Variants in FAR2 observed in about 807,000 individuals in gnomAD.
FAR2 encodes the protein fatty acyl-CoA reductase 2.
A neutral mutation model predicts 56.0 loss-of-function variants in FAR2; 19 were observed. The ratio of observed to expected loss-of-function variants is 0.34; its 90% CI spans 0.24 to 0.50. The LOEUF is 0.50. Among genes scored for constraint, FAR2 ranks in the 20% least tolerant of loss-of-function variants. The probability of loss-of-function intolerance (pLI) is 0.98; values close to 1 mark genes in which losing one functional copy is unlikely to be tolerated. For synonymous variants in FAR2, 219 were observed against 218.8 expected (o/e 1.00, Z -0.01); for missense variants, 508 against 642.2 (o/e 0.79, Z 2.26).
chr12:29,284,905 G>A (rs1039106822), intron 2 of FAR2, among the ~76,000 whole-genome samples: 4 of 152,112 alleles, frequency 2.6e-5, no homozygotes, highest in Admixed American at 6.5e-5. Context: ...GCAGTGGCGC[G>A]ATCTCGGCTC....
At chr12:29,230,598 A>G (rs1427878197) in intron 1 of FAR2, among the ~76,000 whole-genome samples, 1 of 152,088 alleles carries the variant, frequency 6.6e-6, no homozygotes, top group Non-Finnish European at 1.5e-5. Flanking sequence ...GGGCAGCAAG[A>G]AACACTTAGA....
intron 1 of FAR2, among the ~76,000 whole-genome samples, chr12:29,229,877 G>C (rs1184485524): frequency 1.3e-5 from 2 of 152,148 alleles, no homozygotes; most frequent in Non-Finnish European, 2.9e-5. Flanking sequence ...ACTGACATCT[G>C]AAGGATGACT....
rs111826543 is a variant in FAR2, at chr12:29,201,844, G to A, written c.-39+52437G>A. On this transcript the variant is annotated intron_variant, in intron 1 of 11. Transcript: ENST00000536681. ...CTAGCCACCTTTTAAGTGCTAAGTC[G>A]TTTGGCTAGTGGTTACTGTATTGGA... 8.8e-3 allele frequency among the ~76,000 whole-genome samples: 1,345 copies of A among 152,254 alleles called. 27 individuals are homozygous for A. The highest frequency in any genetic ancestry group is 0.03 in the African/African-American group (1,260 of 41,536).
chr12:29,193,697 T>C (rs984350906), intron 1 of FAR2, among the ~76,000 whole-genome samples: 5 of 152,240 alleles, frequency 3.3e-5, no homozygotes. Flanking sequence ...ATGAATCAAG[T>C]TGCTATCAAC....
At chr12:29,259,104 C>A (rs761932851) in intron 1 of FAR2, among the ~76,000 whole-genome samples, 22 of 152,106 alleles carry the variant, frequency 1.4e-4, no homozygotes, top group Non-Finnish European at 3.2e-4. Context: ...AAAGAATGTG[C>A]TGGTATGAAA....
chr12:29,309,178 T>C lies in FAR2; in HGVS notation c.724-8T>C, dbSNP rs1489810962. Reference sequence around the variant, plus strand: ...ATGTGTAACCAATAGAAATCTTCTTTCTTTTAGGGTTGGGTTGATAATATA... The same window carrying C: ...ATGTGTAACCAATAGAAATCTTCTTCCTTTTAGGGTTGGGTTGATAATATA... On this transcript the variant is annotated splice_polypyrimidine_tract_variant and splice_region_variant and intron_variant, in intron 5 of 11. Coordinates refer to ENST00000536681, the MANE Select transcript of FAR2 (RefSeq NM_001271783.2). 3.8e-6 allele frequency: 6 copies of C among 1,592,730 alleles called. No homozygotes were observed. In the African/African-American group the frequency reaches 4.0e-5, roughly 11 times the overall value.
intron 1 of FAR2, among the ~76,000 whole-genome samples, chr12:29,214,675 G>A (rs1275900591): frequency 6.6e-6 from 1 of 151,930 alleles, no homozygotes; most frequent in Non-Finnish European, 1.5e-5. Context: ...AAAAAAATTA[G>A]CTAGGCGTGG....
intron 1 of FAR2, among the ~76,000 whole-genome samples, chr12:29,227,587 T>C (rs1947789289): frequency 1.3e-5 from 2 of 152,204 alleles, no homozygotes; most frequent in Non-Finnish European, 2.9e-5. Context: ...TTATCCTTTT[T>C]GTCATTTTGC....
intron 1 of FAR2, among the ~76,000 whole-genome samples, chr12:29,216,189 A>G (rs1305899918): frequency 6.6e-6 from 1 of 152,198 alleles, no homozygotes; most frequent in Non-Finnish European, 1.5e-5. Context: ...CTCATCTGAC[A>G]CTATCTACCT....
chr12:29,180,683 G>A (rs1393548966), intron 1 of FAR2, among the ~76,000 whole-genome samples: 2 of 152,004 alleles, frequency 1.3e-5, no homozygotes, highest in African/African-American at 4.8e-5. Flanking sequence ...TTTTCAAATT[G>A]TATGTATTTT....
intron 2 of FAR2, among the ~76,000 whole-genome samples, chr12:29,275,522 C>G (rs1948695583): frequency 6.6e-6 from 1 of 152,058 alleles, no homozygotes; most frequent in Non-Finnish European, 1.5e-5. Context: ...GTTCTAGATC[C>G]CTGAGGAATC....
intron 1 of FAR2, among the ~76,000 whole-genome samples, chr12:29,188,868 T>C (rs977903803): frequency 6.6e-6 from 1 of 152,130 alleles, no homozygotes; most frequent in African/African-American, 2.4e-5. Flanking sequence ...TCTGATGTTT[T>C]CCCCTCATAA....
intron 1 of FAR2, among the ~76,000 whole-genome samples, chr12:29,203,069 C>T (rs1210376695): frequency 6.6e-6 from 1 of 151,964 alleles, no homozygotes; most frequent in East Asian, 1.9e-4. Context: ...TACATAAGAC[C>T]CTGAGAATTT....
At chr12:29,170,871 C>T (rs528017305) in intron 1 of FAR2, among the ~76,000 whole-genome samples, 17 of 152,220 alleles carry the variant, frequency 1.1e-4, no homozygotes, top group African/African-American at 2.7e-4. Flanking sequence ...TCGATGGCTT[C>T]GACAGTGTAA....
intron 1 of FAR2, among the ~76,000 whole-genome samples, chr12:29,268,559 G>C (rs147732668): frequency 6.6e-6 from 1 of 152,240 alleles, no homozygotes; most frequent in African/African-American, 2.4e-5. Context: ...CAAAACCTGT[G>C]GTCGGTGGCC....
chr12:29,227,419 A>G (rs1026712902), intron 1 of FAR2, among the ~76,000 whole-genome samples: 5 of 152,204 alleles, frequency 3.3e-5, no homozygotes, highest in Non-Finnish European at 7.3e-5. Flanking sequence ...TTTGACTCCT[A>G]ACAACAGGCG....
In FAR2 at chr12:29,183,945, A is replaced by G. The variant is rs578004222; in HGVS notation, c.-39+34538A>G. ...TTATTTTATTAGGAAACCTTTAAAA[A>G]TGCTAAAATTTTCTTAACTGCAAAT... On this transcript the variant is annotated intron_variant, in intron 1 of 11. Transcript: ENST00000536681. Among the ~76,000 whole-genome samples, 186 of 152,342 alleles carry G rather than the reference A, an allele frequency of 1.2e-3. 1 individual carries two copies. The highest frequency in any genetic ancestry group is 4.4e-3 in the African/African-American group (182 of 41,592).
chr12:29,235,683 A>G (rs534996884), intron 1 of FAR2, among the ~76,000 whole-genome samples: 41 of 152,266 alleles, frequency 2.7e-4, no homozygotes, highest in African/African-American at 7.7e-4. Flanking sequence ...CCATGTAGTC[A>G]GTTCCACCAG....
chr12:29,246,395 G>A (rs1052852497), intron 1 of FAR2, among the ~76,000 whole-genome samples: 10 of 152,110 alleles, frequency 6.6e-5, no homozygotes, highest in African/African-American at 2.4e-4. Context: ...CTTTCTGACT[G>A]GAGGCAGGCC....
Sources: allele counts gnomAD v4.1 joint callset (sites outside exome capture counted in the v4.1 genomes callset), GRCh38; gene constraint gnomAD v4.1.1; transcripts MANE v1.5; gene names NCBI Gene and HGNC (gene_info 2026-07-23, HGNC 2026-07-21).